SRRM4: variants seen among roughly 807,000 people sequenced by gnomAD.
The protein encoded by SRRM4 is serine/arginine repetitive matrix protein 4.
In SRRM4, 33 loss-of-function variants were observed where a neutral mutation model predicts 68.9. The ratio of observed to expected loss-of-function variants is 0.48; its 90% CI spans 0.36 to 0.64. The LOEUF (loss-of-function observed/expected upper bound fraction) is 0.64, where lower values mean the gene tolerates loss of function less well. Ranked by LOEUF, SRRM4 falls within the 30% of genes least tolerant of loss-of-function variation. SRRM4 has a pLI of 0.00. For synonymous variants in SRRM4, 318 were observed against 318.8 expected, an observed-to-expected ratio of 1.00 and a Z score of 0.03; for missense variants, 817 against 827.1, an observed-to-expected ratio of 0.99 and a Z score of 0.15.
At position 119,051,353 on chromosome 12, in the gene SRRM4, G is replaced by A. The variant is rs974797429; in HGVS notation, c.132-50883G>A. 7.9e-5 allele frequency among the ~76,000 whole-genome samples: 12 copies of A among 152,160 alleles called. 1 individual carries two copies. The highest frequency in any genetic ancestry group is 1.7e-4 in the African/African-American group (7 of 41,440). ...CATCCAATGTAATCCTCCCAACACT[G>A]GGAGAAAAGTAAACTCCTACTCTAC... On this transcript the variant is annotated intron_variant, in intron 1 of 12. Transcript: ENST00000267260.
chr12:118,983,588 C>T (rs1205360962), intron 1 of SRRM4, among the ~76,000 whole-genome samples: 1 of 152,130 alleles, frequency 6.6e-6, no homozygotes, highest in Non-Finnish European at 1.5e-5. Flanking sequence ...AAAGAAAATG[C>T]CCTTGTAGAA....
At chr12:119,072,527 G>C (rs750468671) in intron 1 of SRRM4, among the ~76,000 whole-genome samples, 5 of 152,184 alleles carry the variant, frequency 3.3e-5, no homozygotes, top group African/African-American at 9.7e-5. Flanking sequence ...GATTGATGTT[G>C]CGCTTGGGGA....
Position 119,102,347 on chromosome 12 carries a change from G to A in SRRM4, c.243G>A (p.Lys81=). 1.9e-6 allele frequency: 3 copies of A among 1,613,368 alleles called. No homozygotes were observed. Among genetic ancestry groups the A allele is most frequent in the Non-Finnish European group, 2.5e-6 (3 of 1,179,590 alleles). ...GCACCAACAGTTGGGAGAGAGACAA[G>A]ACCTGTCGGGAACTGGGTGCCACCA... The part of the protein sequence containing the change: ...PLGTNSWERD[K]TCRELGATRG... Residue 81 remains lysine, a synonymous_variant, in exon 2 of 13, where the codon AAG becomes AAA. Coordinates refer to ENST00000267260, the MANE Select transcript of SRRM4 (RefSeq NM_194286.4).
intron 2 of SRRM4, 37 bp from the exon 3 acceptor site, chr12:119,114,241 A>G (rs768707822): frequency 1.1e-5 from 17 of 1,580,650 alleles, no homozygotes; most frequent in Non-Finnish European, 1.5e-5. Flanking sequence ...TTGGGGAACC[A>G]TGAGTTATCT....
At position 119,114,303 on chromosome 12, in the gene SRRM4, C is replaced by A; in HGVS notation, c.304C>A (p.Pro102Thr). Reference sequence around the variant, plus strand: ...TGCCTCTCATGACAAAGACTTGACACCACCACCTTCCTCCAGGGGAAAGAA... The same window carrying A: ...TGCCTCTCATGACAAAGACTTGACAACACCACCTTCCTCCAGGGGAAAGAA... ...HSASHDKDLT[P>T]PPSSRGKKKK... is the part of the protein sequence containing the mutation. The change falls in exon 3 of 13, where the codon CCA becomes ACA. Residue 102 changes from proline to threonine, a missense_variant. Coordinates refer to ENST00000267260, the MANE Select transcript of SRRM4 (RefSeq NM_194286.4). 6.2e-7 allele frequency: 1 copy of A among 1,612,576 alleles called. No individual in the cohort carries two copies. The highest frequency in any genetic ancestry group is 1.1e-5 in the South Asian group (1 of 90,598).
intron 5 of SRRM4, among the ~76,000 whole-genome samples, chr12:119,121,551 G>A (rs1954219363): frequency 6.6e-6 from 1 of 152,160 alleles, no homozygotes; most frequent in Non-Finnish European, 1.5e-5. Flanking sequence ...CTTATAAATT[G>A]ATTGAACAGC....
At chr12:119,075,101 G>A (rs1953900127) in intron 1 of SRRM4, among the ~76,000 whole-genome samples, 1 of 152,118 alleles carries the variant, frequency 6.6e-6, no homozygotes, top group South Asian at 2.1e-4. Context: ...GATGGATCAG[G>A]TGAAAGTCAA....
intron 1 of SRRM4, among the ~76,000 whole-genome samples, chr12:118,996,158 CAA>C (rs1307929681): frequency 6.6e-6 from 1 of 152,112 alleles, no homozygotes; most frequent in East Asian, 1.9e-4. Flanking sequence ...ACTACCAGCT[CAA>C]ATTATTTTTT....
In SRRM4 at chr12:119,156,563, C is replaced by A. The variant is rs763927673; in HGVS notation, c.1601C>A (p.Ser534Tyr). The A allele has an allele frequency of 1.2e-6, 2 of 1,611,542 alleles. No homozygotes were observed. Among genetic ancestry groups the A allele is most frequent in the Non-Finnish European group, 1.7e-6 (2 of 1,179,736 alleles). ...PSSSGSLSST[S>Y]SWYSSSSSRS... is the part of the protein sequence containing the mutation. ...TCATCCGGCAGCCTCAGCAGCACCT[C>A]CTCCTGGTACAGCAGCAGCAGTAGC... The change falls in exon 13 of 13, where the codon TCC (serine) becomes TAC (tyrosine). Residue 534 changes from serine (S) to tyrosine (Y), a missense_variant. Ser to Tyr is a moderately radical substitution (Grantham distance 144). Transcript: ENST00000267260.
chr12:119,125,545 C>T, intron 7 of SRRM4, 66 bp downstream of exon 7: 1 of 1,424,402 alleles, frequency 7.0e-7, no homozygotes. Context: ...ACACTGTTAA[C>T]ACTAGCTTCG....
At chr12:119,142,136 A>G (rs896482535) in intron 8 of SRRM4, among the ~76,000 whole-genome samples, 14 of 152,162 alleles carry the variant, frequency 9.2e-5, no homozygotes, top group Non-Finnish European at 1.9e-4. Context: ...TGTGGAAGAG[A>G]TGCTATTTGT....
At chr12:119,141,070 T>A (rs1275277401) in intron 8 of SRRM4, among the ~76,000 whole-genome samples, 1 of 152,204 alleles carries the variant, frequency 6.6e-6, no homozygotes, top group Non-Finnish European at 1.5e-5. Flanking sequence ...GCCTCCCAAC[T>A]AGCTAGGACT....
At chr12:118,983,919 T>C (rs1009314484) in intron 1 of SRRM4, among the ~76,000 whole-genome samples, 1 of 152,220 alleles carries the variant, frequency 6.6e-6, no homozygotes, top group South Asian at 2.1e-4. Context: ...GCAACCAGTA[T>C]CATTTCACTC....
Position 119,156,613 on chromosome 12 carries a change from C to T in SRRM4, c.1651C>T (p.Arg551Trp), listed in dbSNP as rs759788629. The change falls in exon 13 of 13, where the codon CGG (arginine) becomes TGG (tryptophan). Residue 551 changes from arginine (R) to tryptophan (W), a missense_variant. Arg to Trp is a moderately radical substitution (Grantham distance 101). Transcript: ENST00000267260. ...CCGCTCGGCCAGCCGCAGCTACTCC[C>T]GGAGCCGGAGTCGGAGCCGGAGCCG... Reference protein sequence around the residue: ...SSRSASRSYSRSRSRSRSRRR... With the variant: ...SSRSASRSYSWSRSRSRSRRR... 14 of 1,609,508 alleles carry T rather than the reference C, an allele frequency of 8.7e-6. No homozygotes were observed. Among genetic ancestry groups the T allele is most frequent in the African/African-American group, 8.0e-5 (6 of 74,778 alleles).
At chr12:119,132,744 C>T (rs998285602) in intron 8 of SRRM4, among the ~76,000 whole-genome samples, 3 of 152,114 alleles carry the variant, frequency 2.0e-5, no homozygotes, top group Non-Finnish European at 4.4e-5. Context: ...TCACCTGTAC[C>T]TATAAGAGAG....
intron 1 of SRRM4, among the ~76,000 whole-genome samples, chr12:119,012,088 C>G (rs1374269043): frequency 2.6e-5 from 4 of 152,148 alleles, no homozygotes; most frequent in Non-Finnish European, 1.5e-5. Context: ...AGACAGTGTC[C>G]TGATATAAAT....
intron 1 of SRRM4, among the ~76,000 whole-genome samples, chr12:118,997,768 G>A (rs781312560): frequency 6.6e-6 from 1 of 152,154 alleles, no homozygotes; most frequent in Non-Finnish European, 1.5e-5. Context: ...TTGTCCCATT[G>A]CACACGCAAC....
intron 3 of SRRM4, among the ~76,000 whole-genome samples, chr12:119,115,545 G>A (rs1954174194): frequency 6.6e-6 from 1 of 152,122 alleles, no homozygotes; most frequent in African/African-American, 2.4e-5. Context: ...CTGGAACCTT[G>A]TTTCACAGAC....
intron 3 of SRRM4, among the ~76,000 whole-genome samples, chr12:119,115,585 C>A (rs548667367): frequency 2.0e-5 from 3 of 152,258 alleles, no homozygotes; most frequent in African/African-American, 7.2e-5. Flanking sequence ...AAAGGACAGG[C>A]TCAAAGAGGA....
Sources: allele counts gnomAD v4.1 joint callset (sites outside exome capture counted in the v4.1 genomes callset), GRCh38; gene constraint gnomAD v4.1.1; transcripts MANE v1.5; gene names NCBI Gene and HGNC (gene_info 2026-07-23, HGNC 2026-07-21).